The following CEP170 variants were observed in gnomAD, a reference collection of about 807,000 sequenced individuals.
CEP170 encodes the protein centrosomal protein of 170 kDa.
A neutral mutation model predicts 151.9 loss-of-function variants in CEP170; 21 were observed. The ratio of observed to expected loss-of-function variants is 0.14; its 90% CI spans 0.10 to 0.20. CEP170 has a LOEUF of 0.20. Among genes scored for constraint, CEP170 ranks in the 10% least tolerant of loss-of-function variants. The pLI, the probability that CEP170 is intolerant of heterozygous loss-of-function variation, is 1.00. For missense variants in CEP170, 964 were observed against 1,892.9 expected, an observed-to-expected ratio of 0.51 and a Z score of 9.11; for synonymous variants, 356 against 648.8, an observed-to-expected ratio of 0.55 and a Z score of 6.86.
At chr1:243,182,368 A>C (rs2059676458) in intron 10 of CEP170, among the ~76,000 whole-genome samples, 1 of 152,188 alleles carries the variant, frequency 6.6e-6, no homozygotes, top group African/African-American at 2.4e-5. Context: ...AAACATACTA[A>C]GACAGCTGCC....
intron 17 of CEP170, among the ~76,000 whole-genome samples, chr1:243,131,414 C>T (rs1214294384): frequency 4.0e-5 from 6 of 151,850 alleles, no homozygotes; most frequent in African/African-American, 7.3e-5. Flanking sequence ...ATTGCTTGTG[C>T]CCAGGGAGGT....
chr1:243,200,157 A>G (rs2060930692), intron 6 of CEP170, among the ~76,000 whole-genome samples: 2 of 151,970 alleles, frequency 1.3e-5, no homozygotes, highest in African/African-American at 4.8e-5. Context: ...TTTAAAGTAT[A>G]CAGGAGGATG....
chr1:243,134,133 T>G (rs960560472), intron 17 of CEP170, among the ~76,000 whole-genome samples: 3 of 152,166 alleles, frequency 2.0e-5, no homozygotes, highest in African/African-American at 7.2e-5. Context: ...ACAGGTAATA[T>G]TCAAGTGAAA....
At chr1:243,242,238 T>G (rs917762830) in intron 1 of CEP170, among the ~76,000 whole-genome samples, 4 of 152,092 alleles carry the variant, frequency 2.6e-5, no homozygotes, top group Non-Finnish European at 4.4e-5. Flanking sequence ...TTTCTTTTTT[T>G]GGGACAGTCT....
Position 243,135,299 on chromosome 1 carries a change from C to T in CEP170, c.4319+844G>A, listed in dbSNP as rs1161062080. On this transcript the variant is annotated intron_variant, in intron 17 of 19. Coordinates refer to ENST00000366542, the MANE Select transcript of CEP170 (RefSeq NM_014812.3). ...TCGGCTCACTGGAAGCTCTGCCTCCCGGGTTCACGCCATTCTCCTGCCTCA... is the reference window on the plus strand; with the variant it reads ...TCGGCTCACTGGAAGCTCTGCCTCCTGGGTTCACGCCATTCTCCTGCCTCA... 1.7e-4 allele frequency among the ~76,000 whole-genome samples: 26 copies of T among 152,014 alleles called. 1 individual carries two copies. Among genetic ancestry groups the T allele is most frequent in the African/African-American group, 4.6e-4 (19 of 41,366 alleles).
chr1:243,194,035 C>T (rs1166859130), intron 7 of CEP170, among the ~76,000 whole-genome samples: 1 of 151,954 alleles, frequency 6.6e-6, no homozygotes, highest in African/African-American at 2.4e-5. Flanking sequence ...ACAGATATGA[C>T]AATGCCTATC....
At chr1:243,170,775 C>T (rs1269767655) in intron 11 of CEP170, among the ~76,000 whole-genome samples, 1 of 152,204 alleles carries the variant, frequency 6.6e-6, no homozygotes, top group Non-Finnish European at 1.5e-5. Flanking sequence ...GCCTGGGTGA[C>T]AGAGGGAGAC....
At chr1:243,169,551 G>A in intron 12 of CEP170, 77 bp downstream of exon 12, 1 of 1,465,832 alleles carries the variant, frequency 6.8e-7, no homozygotes, top group Non-Finnish European at 9.2e-7. Flanking sequence ...AAAAAGCAGA[G>A]AAGAGTAAGA....
intron 1 of CEP170, among the ~76,000 whole-genome samples, chr1:243,233,731 T>A (rs1447722814): frequency 7.6e-4 from 18 of 23,576 alleles, no homozygotes; most frequent in Non-Finnish European, 1.5e-3. Context: ...AGACTCCATC[T>A]CAAAAAAAAA....
At chr1:243,149,472 A>T (rs2056857787) in intron 14 of CEP170, among the ~76,000 whole-genome samples, 1 of 152,084 alleles carries the variant, frequency 6.6e-6, no homozygotes, top group Admixed American at 6.5e-5. Flanking sequence ...CTGTCATCTG[A>T]ACCTGTGGGC....
chr1:243,244,407 C>G (rs2065163146), intron 1 of CEP170, among the ~76,000 whole-genome samples: 1 of 151,972 alleles, frequency 6.6e-6, no homozygotes, highest in South Asian at 2.1e-4. Flanking sequence ...CCCAATTTAA[C>G]TCTAGTGAAA....
intron 1 of CEP170, among the ~76,000 whole-genome samples, chr1:243,226,190 T>TATACCTAG (rs2063278753): frequency 4.4e-5 from 1 of 22,568 alleles, no homozygotes; most frequent in African/African-American, 1.1e-4. Flanking sequence ...TCTAGATATA[T>TATACCTAG]ATATCTAGAT....
intron 2 of CEP170, among the ~76,000 whole-genome samples, chr1:243,222,663 AC>A (rs1331399918): frequency 1.3e-5 from 2 of 152,208 alleles, no homozygotes; most frequent in Non-Finnish European, 2.9e-5. Context: ...AACAGACATG[AC>A]TTCCAATTTT....
chr1:243,230,603 A>C (rs2063659745), intron 1 of CEP170, among the ~76,000 whole-genome samples: 1 of 152,206 alleles, frequency 6.6e-6, no homozygotes. Context: ...AAGCAGACTA[A>C]CTGAAGTAAG....
chr1:243,249,173 A>G (rs1040377180), intron 1 of CEP170, among the ~76,000 whole-genome samples: 3 of 152,082 alleles, frequency 2.0e-5, no homozygotes, highest in South Asian at 2.1e-4. Context: ...TGCCTGTAAT[A>G]CTAGAACTTT....
intron 4 of CEP170, among the ~76,000 whole-genome samples, chr1:243,210,796 T>G (rs907859839): frequency 4.0e-5 from 6 of 151,854 alleles, no homozygotes; most frequent in African/African-American, 1.5e-4. Flanking sequence ...AACATTTTTT[T>G]GTATTTTTAG....
intron 6 of CEP170, among the ~76,000 whole-genome samples, chr1:243,199,987 T>A (rs969940820): frequency 1.3e-5 from 2 of 151,986 alleles, no homozygotes; most frequent in African/African-American, 4.8e-5. Flanking sequence ...AGGTTCTGCA[T>A]CCATGGGTTC....
intron 8 of CEP170, among the ~76,000 whole-genome samples, chr1:243,190,395 CAAAT>C (rs2060235111): frequency 6.6e-6 from 1 of 152,042 alleles, no homozygotes; most frequent in East Asian, 1.9e-4. Context: ...AAGTTCTACA[CAAAT>C]AAAGTATATA....
At chr1:243,220,063 A>G (rs571854046) in intron 3 of CEP170, among the ~76,000 whole-genome samples, 3 of 152,342 alleles carry the variant, frequency 2.0e-5, no homozygotes, top group African/African-American at 7.2e-5. Context: ...TACTTTGCCT[A>G]TCTCTGCTAA....
Sources: allele counts gnomAD v4.1 joint callset (sites outside exome capture counted in the v4.1 genomes callset), GRCh38; gene constraint gnomAD v4.1.1; transcripts MANE v1.5; gene names NCBI Gene and HGNC (gene_info 2026-07-23, HGNC 2026-07-21).